The following SPTB variants were observed in gnomAD, a reference collection of about 807,000 sequenced individuals.
SPTB encodes spectrin beta, erythrocytic.
A neutral mutation model predicts 256.2 loss-of-function variants in SPTB; 45 were observed. The ratio of observed to expected loss-of-function variants is 0.18; its 90% confidence interval spans 0.14 to 0.23. SPTB has a LOEUF of 0.23. SPTB is among the 10% of genes least tolerant of loss of function. The probability of loss-of-function intolerance (pLI) is 1.00; values close to 1 mark genes in which losing one functional copy is unlikely to be tolerated. For synonymous variants in SPTB, 1,231 were observed against 1,243.1 expected, an observed-to-expected ratio of 0.99 and a Z score of 0.21; for missense variants, 2,715 against 3,040.4, an observed-to-expected ratio of 0.89 and a Z score of 2.52.
Position 64,796,843 on chromosome 14 carries a change from G to A in SPTB, c.1183-128C>T, listed in dbSNP as rs759448907. On this transcript the variant is annotated intron_variant, in intron 10 of 35. Coordinates refer to ENST00000644917, the MANE Select transcript of SPTB (RefSeq NM_001355436.2). This position sits in a 1 kb window ranked among gnomAD's most constrained non-coding sequence, Gnocchi z 4.1. The stretch of plus-strand genomic sequence containing the variant: ...GTACAGCCTGATGCTCTTGGGTGAC[G>A]TGGTAGCAGATTAAAGATCAATAAA... 1.5e-5 allele frequency: 18 copies of A among 1,235,174 alleles called. No homozygotes were observed. Among genetic ancestry groups the A allele is most frequent in the South Asian group, 1.0e-4 (8 of 79,598 alleles). The allele number at this position is 1,235,174 out of a possible 1,614,324, so 76.5% of individuals were successfully genotyped here.
At chr14:64,874,601 G>C (rs1028763060) in intron 1 of SPTB, among the ~76,000 whole-genome samples, 1 of 152,122 alleles carries the variant, frequency 6.6e-6, no homozygotes, top group African/African-American at 2.4e-5. Flanking sequence ...CACTCCTAGG[G>C]TTCTTCTAGA....
intron 1 of SPTB, among the ~76,000 whole-genome samples, chr14:64,848,123 G>A (rs2083722209): frequency 6.6e-6 from 1 of 151,916 alleles, no homozygotes; most frequent in Admixed American, 6.6e-5. Context: ...TTCCTTCCCT[G>A]CCATTTAAAT....
Position 64,799,872 on chromosome 14 carries a change from G to A in SPTB, c.939C>T (p.Asp313=), listed in dbSNP as rs1387815749. Residue 313 remains aspartate (D), a synonymous_variant, in exon 9 of 36, where the codon GAC becomes GAT. Coordinates refer to ENST00000644917, the MANE Select transcript of SPTB (RefSeq NM_001355436.2). ...MIEKYSGLAS[D]LLTWIEQTIT... is the part of the protein sequence containing the mutation. ...TGGTCTGCTCGATCCAGGTGAGCAG[G>A]TCCGAGGCTAGCCCGCTGTACTTTT... 6.2e-7 allele frequency: 1 copy of A among 1,614,118 alleles called. No homozygotes were observed. Among genetic ancestry groups the A allele is most frequent in the African/African-American group, 1.3e-5 (1 of 74,926 alleles).
At chr14:64,754,169 T>TC (rs1726026965) in intron 32 of SPTB, 1 of 371,760 alleles carries the variant, frequency 2.7e-6, no homozygotes, top group Non-Finnish European at 5.1e-6. Flanking sequence ...CTCTGGCCCC[T>TC]CCCCTTGCTG....
Position 64,794,622 on chromosome 14 carries a change from C to G in SPTB, c.1645-5G>C, listed in dbSNP as rs777746200. The G allele has an allele frequency of 6.2e-7, 1 of 1,614,036 alleles. No homozygotes were observed. The highest frequency in any genetic ancestry group is 1.1e-5 in the South Asian group (1 of 91,068). ...CTCGGCAGACAAGAGGTGAGCCTGG[C>G]AAAGAGAACAGCAGAAAGGAAATGA... is the stretch of plus-strand genomic sequence containing the variant. On this transcript the variant is annotated splice_region_variant and splice_polypyrimidine_tract_variant and intron_variant, in intron 12 of 35. Coordinates refer to ENST00000644917, the MANE Select transcript of SPTB (RefSeq NM_001355436.2).
Position 64,805,033 on chromosome 14 carries a change from G to T in SPTB, c.206C>A (p.Ala69Asp), listed in dbSNP as rs767062363. The T allele has an allele frequency of 6.8e-6, 11 of 1,613,648 alleles. No homozygotes were observed. The African/African-American group carries it at 1.5e-4, about 22-fold the overall frequency. Residue 69 changes from alanine (A) to aspartate (D), a missense_variant, in exon 3 of 36, where the codon GCT (alanine) becomes GAT (aspartate). Ala to Asp is a moderately radical substitution (Grantham distance 126). Around this residue, in one of 4 missense-constraint regions of SPTB, gnomAD observed 416 missense variants for 571.1 expected, o/e 0.73. Transcript: ENST00000644917. The stretch of plus-strand genomic sequence containing the variant: ...ATCGGTGATGCGGCAGGACACTCGA[G>T]CCAGGTGCGAGTTCACCCATTTCGT... ...TFTKWVNSHL[A>D]RVSCRITDLY... is the part of the protein sequence containing the mutation.
rs780984031 is a variant in SPTB at position 64,844,218 on chromosome 14, C to T, written c.-51-21073G>A. 2.6e-5 allele frequency among the ~76,000 whole-genome samples: 4 copies of T among 152,104 alleles called. No homozygotes were observed. The highest frequency in any genetic ancestry group is 5.9e-5 in the Non-Finnish European group (4 of 68,020). ...GAAAAAAAAAATGAGAGCTAGAAAGCCCAGCCTGTCTTTATTATTATAGTT... is the reference window on the plus strand; with the variant it reads ...GAAAAAAAAAATGAGAGCTAGAAAGTCCAGCCTGTCTTTATTATTATAGTT... On this transcript the variant is annotated intron_variant, in intron 1 of 35. Coordinates refer to ENST00000644917, the MANE Select transcript of SPTB (RefSeq NM_001355436.2). This position sits in a 1 kb window ranked among gnomAD's most constrained non-coding sequence, Gnocchi z 4.1.
intron 1 of SPTB, among the ~76,000 whole-genome samples, chr14:64,846,689 C>T (rs1276470893): frequency 1.3e-5 from 2 of 152,236 alleles, no homozygotes; most frequent in African/African-American, 4.8e-5. Flanking sequence ...GTTACTGTCA[C>T]TGGGAGATGA....
intron 1 of SPTB, among the ~76,000 whole-genome samples, chr14:64,858,048 A>G (rs1402134926): frequency 6.6e-6 from 1 of 152,244 alleles, no homozygotes. Flanking sequence ...TGAGGAGGAA[A>G]ATGAAGATCA....
rs370398211 is a variant in SPTB at position 64,787,101 on chromosome 14, C to T, written c.2864G>A (p.Arg955Gln). ...GCAATCTACGCAGTAGTTGTGCACT[C>T]GGAGGGCTGAGTCCACAGCCTCCCG... ...ERREAVDSAL[R>Q]VHNYCVDCEE... The change falls in exon 16 of 36, where the codon CGA becomes CAA. Residue 955 changes from arginine (R) to glutamine (Q), a missense_variant. Coordinates refer to ENST00000644917, the MANE Select transcript of SPTB (RefSeq NM_001355436.2). 53 of 1,609,548 alleles carry T rather than the reference C, an allele frequency of 3.3e-5. No homozygotes were observed. The highest frequency in any genetic ancestry group is 2.0e-4 in the East Asian group (9 of 44,880).
intron 29 of SPTB, among the ~76,000 whole-genome samples, chr14:64,768,527 C>T (rs7157527): frequency 0.18 from 27,707 of 152,100 alleles, 3,926 homozygotes; most frequent in African/African-American, 0.39. Context: ...CACAGCTCCT[C>T]CCTGAATGGT....
Position 64,764,208 on chromosome 14 carries a change from G to A in SPTB, c.6345+2518C>T, listed in dbSNP as rs1013491829. ...TCTGTGAAGGGGTAGTTCCAGGCAG[G>A]CTGGAAGGACCAGCCACTGGGCTTG... is the stretch of plus-strand genomic sequence containing the variant. On this transcript the variant is annotated intron_variant, in intron 32 of 35. Transcript: ENST00000644917. The surrounding 1 kb of genome is among the most constrained non-coding windows in gnomAD (Gnocchi z 4.2). 1.3e-5 allele frequency among the ~76,000 whole-genome samples: 2 copies of A among 152,164 alleles called. No individual in the cohort carries two copies. The highest frequency in any genetic ancestry group is 2.9e-5 in the Non-Finnish European group (2 of 68,034).
At chr14:64,799,352 C>A (rs937820722) in intron 9 of SPTB, among the ~76,000 whole-genome samples, 1 of 152,174 alleles carries the variant, frequency 6.6e-6, no homozygotes, top group Non-Finnish European at 1.5e-5. Flanking sequence ...ATCCATAAGG[C>A]CCCATGCAGA....
In SPTB at chr14:64,845,272, A is replaced by T. The variant is rs1215662685; in HGVS notation, c.-51-22127T>A. ...CAAGTTTTTTCCTTTGAACAGAAGT[A>T]GCCGCTTAGCCCGCCAAAAGATTGG... On this transcript the variant is annotated intron_variant, in intron 1 of 35. Transcript: ENST00000644917. This position sits in a 1 kb window ranked among gnomAD's most constrained non-coding sequence, Gnocchi z 4.8. 6.6e-6 allele frequency among the ~76,000 whole-genome samples: 1 copy of T among 152,248 alleles called. No homozygotes were observed. The highest frequency in any genetic ancestry group is 1.5e-5 in the Non-Finnish European group (1 of 68,040).
intron 1 of SPTB, among the ~76,000 whole-genome samples, chr14:64,833,047 T>C (rs2083471129): frequency 6.6e-6 from 1 of 152,184 alleles, no homozygotes; most frequent in Non-Finnish European, 1.5e-5. Flanking sequence ...CCCTTTGTGA[T>C]CTAGTCCCTC....
chr14:64,793,072 A>T lies in SPTB; in HGVS notation c.2591T>A (p.Met864Lys). Residue 864 changes from methionine (M) to lysine (K), a missense_variant, in exon 14 of 36, where the codon ATG becomes AAG. Met to Lys is a moderately conservative substitution (Grantham distance 95). Transcript: ENST00000644917. This position sits in a 1 kb window ranked among gnomAD's most constrained non-coding sequence, Gnocchi z 7.0. Reference sequence around the variant, plus strand: ...GGCCAGCCACTTCTCCTTCTCTCCCATCCACAGCTCACAGGCGTCTGTCTC... The same window carrying T: ...GGCCAGCCACTTCTCCTTCTCTCCCTTCCACAGCTCACAGGCGTCTGTCTC... ...FGETDACELW[M>K]GEKEKWLAEM... 6.2e-7 allele frequency: 1 copy of T among 1,614,056 alleles called. No individual in the cohort carries two copies. Among genetic ancestry groups the T allele is most frequent in the East Asian group, 2.2e-5 (1 of 44,878 alleles).
chr14:64,823,886 G>A lies in SPTB; in HGVS notation c.-51-741C>T, dbSNP rs919735063. ...AGGAGCCTGCTGTCCCATCAAGCAC[G>A]TGGCAGTCGGGGCATCCCATGGACA... is the stretch of plus-strand genomic sequence containing the variant. On this transcript the variant is annotated intron_variant, in intron 1 of 35. Coordinates refer to ENST00000644917, the MANE Select transcript of SPTB (RefSeq NM_001355436.2). The surrounding 1 kb of genome is among the most constrained non-coding windows in gnomAD (Gnocchi z 6.5). Among the ~76,000 whole-genome samples the A allele has an allele frequency of 2.6e-5, 4 of 152,208 alleles. No homozygotes were observed.
intron 2 of SPTB, among the ~76,000 whole-genome samples, chr14:64,818,779 T>A (rs1377287222): frequency 6.6e-6 from 1 of 152,086 alleles, no homozygotes; most frequent in Non-Finnish European, 1.5e-5. Context: ...AGGGGGACTC[T>A]AGGAGATGGG....
intron 15 of SPTB, among the ~76,000 whole-genome samples, chr14:64,791,307 C>T (rs1005298242): frequency 6.6e-6 from 1 of 152,064 alleles, no homozygotes; most frequent in South Asian, 2.1e-4. Flanking sequence ...GTGGCTTATG[C>T]CTGTAATCCC....
Sources: gnomAD v4.1 joint callset for allele counts (sites outside exome capture counted in the v4.1 genomes callset) on GRCh38, gnomAD v4.1.1 for gene constraint, gnomAD v4.1.1 regional missense constraint, Gnocchi (gnomAD v3.1) non-coding constraint, MANE v1.5 for transcripts, NCBI Gene and HGNC (gene_info 2026-07-23, HGNC 2026-07-21) for gene names.